The following SNX6 variants were observed in gnomAD, a reference collection of about 807,000 sequenced individuals.
SNX6 encodes sorting nexin-6.
In SNX6, 34 loss-of-function variants were observed where a neutral mutation model predicts 63.0. That is an observed-to-expected ratio of 0.54 (90% CI 0.41 to 0.72). The LOEUF (loss-of-function observed/expected upper bound fraction) is 0.72, where lower values mean the gene tolerates loss of function less well. SNX6 is among the 30% of genes least tolerant of loss of function. The pLI is 0.00. For missense variants in SNX6, 398 were observed against 471.4 expected, an observed-to-expected ratio of 0.84 and a Z score of 1.44; for synonymous variants, 170 against 164.2, an observed-to-expected ratio of 1.04 and a Z score of -0.27.
intron 8 of SNX6, among the ~76,000 whole-genome samples, chr14:34,592,230 A>G (rs748052048): frequency 3.1e-4 from 47 of 152,074 alleles, no homozygotes; most frequent in Admixed American, 2.6e-3. Flanking sequence ...TACTAAAAAT[A>G]CAAAAATTAG....
rs184292942 is a variant in SNX6 at position 34,616,955 on chromosome 14, G to A, written c.55-7213C>T. The stretch of plus-strand genomic sequence containing the variant: ...AAAATTAGCTGGGCGTGGTGTGGGC[G>A]CCTGTAATCCCAGCTACTCAGGAGG... On this transcript the variant is annotated intron_variant, in intron 2 of 13. Coordinates refer to ENST00000362031, the MANE Select transcript of SNX6 (RefSeq NM_152233.4). Among the ~76,000 whole-genome samples the A allele has an allele frequency of 1.3e-3, 199 of 152,064 alleles. 1 individual carries two copies. The highest frequency in any genetic ancestry group is 4.3e-3 in the African/African-American group (179 of 41,506).
At chr14:34,567,412 G>A (rs973693102) in intron 13 of SNX6, among the ~76,000 whole-genome samples, 6 of 152,086 alleles carry the variant, frequency 3.9e-5, no homozygotes, top group Admixed American at 1.3e-4. Context: ...GCTTGAACCC[G>A]GGAAGCAGAG....
chr14:34,609,480 C>CAAAAAAA lies in SNX6; in HGVS notation c.159+151_159+157dup, dbSNP rs398024759. Among the ~76,000 whole-genome samples, 5 of 65,036 alleles carry CAAAAAAA rather than the reference C, an allele frequency of 7.7e-5. 1 individual carries two copies. The highest frequency in any genetic ancestry group is 1.3e-4 in the Non-Finnish European group (5 of 39,056). 42.7% of individuals were successfully genotyped at this position (65,036 alleles called of 152,430 possible). A position where few individuals can be genotyped will look rare whatever the true frequency, so the allele number is the denominator to read the frequency against. On this transcript the variant is annotated intron_variant, in intron 3 of 13. Transcript: ENST00000362031. ...TGGGCGACAGAGCAAGACTCCGTCT[C>CAAAAAAA]AAAAAAAAAAAAAAAAAAAAAAAAG...
intron 8 of SNX6, among the ~76,000 whole-genome samples, chr14:34,587,901 C>T (rs1437156490): frequency 4.0e-5 from 6 of 151,462 alleles, no homozygotes; most frequent in South Asian, 4.2e-4. Context: ...ACCTCCACCA[C>T]CCGGGTTCAA....
At chr14:34,567,145 A>G (rs956509331) in intron 13 of SNX6, among the ~76,000 whole-genome samples, 6 of 151,794 alleles carry the variant, frequency 4.0e-5, no homozygotes, top group Non-Finnish European at 8.8e-5. Context: ...AGTTGCTTGA[A>G]CCTGGGAAGC....
chr14:34,605,581 A>T lies in SNX6; in HGVS notation c.392+15T>A, dbSNP rs748996750. Reference sequence around the variant, plus strand: ...AACCAAAAAAAAAAAACAAAAAAATAAAAAAATCACTTACGCTTCCAGTTC... The same window carrying T: ...AACCAAAAAAAAAAAACAAAAAAATTAAAAAATCACTTACGCTTCCAGTTC... On this transcript the variant is annotated intron_variant, in intron 5 of 13. Coordinates refer to ENST00000362031, the MANE Select transcript of SNX6 (RefSeq NM_152233.4). The T allele has an allele frequency of 1.3e-5, 20 of 1,533,368 alleles. No individual in the cohort carries two copies. The highest frequency in any genetic ancestry group is 8.5e-5 in the African/African-American group (6 of 70,706). 95.0% of individuals were successfully genotyped at this position (1,533,368 alleles called of 1,614,324 possible).
At chr14:34,621,462 T>G (rs1167671865) in intron 2 of SNX6, among the ~76,000 whole-genome samples, 2 of 152,200 alleles carry the variant, frequency 1.3e-5, no homozygotes, top group African/African-American at 2.4e-5. Context: ...CAACTAGACA[T>G]AGCCACCTGG....
At chr14:34,581,174 A>G (rs1223718507) in intron 10 of SNX6, among the ~76,000 whole-genome samples, 1 of 152,172 alleles carries the variant, frequency 6.6e-6, no homozygotes, top group Non-Finnish European at 1.5e-5. Context: ...TTTTTCTTTG[A>G]GACAGAGTCT....
intron 2 of SNX6, among the ~76,000 whole-genome samples, chr14:34,613,716 C>T (rs1039458579): frequency 2.6e-5 from 4 of 151,438 alleles, no homozygotes; most frequent in Non-Finnish European, 5.9e-5. Context: ...TGGCGTGAAC[C>T]CAGGAGGCAG....
intron 10 of SNX6, among the ~76,000 whole-genome samples, chr14:34,579,699 G>A (rs1881860302): frequency 6.6e-6 from 1 of 151,540 alleles, no homozygotes; most frequent in Admixed American, 6.6e-5. Flanking sequence ...AGACATAAAA[G>A]AATATAAGCC....
Position 34,603,402 on chromosome 14 carries a change from A to T in SNX6, c.462T>A (p.His154Gln). Residue 154 changes from histidine (H) to glutamine (Q), a missense_variant, in exon 6 of 14, where the codon CAT becomes CAA. Coordinates refer to ENST00000362031, the MANE Select transcript of SNX6 (RefSeq NM_152233.4). ...HEVFLCRVAA[H>Q]PILRRDLNFH... The stretch of plus-strand genomic sequence containing the variant: ...AATTTAAATCTCTTCTCAAAATAGG[A>T]TGTGCTGCCACACGACACAGGAACA... 6.2e-7 allele frequency: 1 copy of T among 1,610,328 alleles called. No homozygotes were observed. Among genetic ancestry groups the T allele is most frequent in the South Asian group, 1.1e-5 (1 of 90,328 alleles).
chr14:34,567,604 A>G (rs1444752056), intron 13 of SNX6, 82 bp downstream of exon 13: 3 of 1,074,296 alleles, frequency 2.8e-6, no homozygotes, highest in Non-Finnish European at 4.2e-6. Context: ...GAGAACTGAC[A>G]TTAAAGAATT....
At chr14:34,575,700 A>G in intron 11 of SNX6, 56 bp downstream of exon 11, 3 of 911,796 alleles carry the variant, frequency 3.3e-6, no homozygotes, top group Middle Eastern at 2.3e-4. Context: ...GAAGTCTAAC[A>G]AACTCAAGAA....
chr14:34,626,668 CAAA>C (rs56118978), intron 2 of SNX6, among the ~76,000 whole-genome samples: 2 of 126,548 alleles, frequency 1.6e-5, no homozygotes, highest in South Asian at 2.5e-4. Context: ...GACTCCATTT[CAAA>C]AAAAAAAAAA....
intron 11 of SNX6, chr14:34,568,795 T>A: frequency 1.0e-6 from 1 of 987,284 alleles, no homozygotes; most frequent in Non-Finnish European, 1.6e-6. Flanking sequence ...TTCCACCATT[T>A]TTAGCCCCTC....
intron 6 of SNX6, among the ~76,000 whole-genome samples, chr14:34,602,013 C>T (rs1031766995): frequency 2.0e-5 from 3 of 151,464 alleles, no homozygotes; most frequent in African/African-American, 7.3e-5. Context: ...TACAAACAGG[C>T]CAGGTGCGGC....
intron 5 of SNX6, 42 bp downstream of exon 5, chr14:34,605,554 A>C (rs1380136067): frequency 6.9e-7 from 1 of 1,457,794 alleles, no homozygotes; most frequent in Admixed American, 2.6e-5. Flanking sequence ...AAAGGCAACA[A>C]CAACCAAAAA....
intron 9 of SNX6, among the ~76,000 whole-genome samples, chr14:34,584,754 A>AT (rs1555325539): frequency 2.7e-5 from 4 of 147,454 alleles, no homozygotes; most frequent in East Asian, 3.9e-4. Context: ...AAGAAAAAAA[A>AT]ATATATATAG....
At chr14:34,613,111 T>C (rs999270357) in intron 2 of SNX6, among the ~76,000 whole-genome samples, 5 of 150,332 alleles carry the variant, frequency 3.3e-5, no homozygotes, top group African/African-American at 1.2e-4. Flanking sequence ...CATGTGACCA[T>C]GGAGGCAGAT....
Sources: gnomAD v4.1 joint callset for allele counts (sites outside exome capture counted in the v4.1 genomes callset) on GRCh38, gnomAD v4.1.1 for gene constraint, MANE v1.5 for transcripts, NCBI Gene and HGNC (gene_info 2026-07-23, HGNC 2026-07-21) for gene names.